Variants in UACA observed in about 807,000 individuals in gnomAD.
UACA encodes nuclear membrane binding protein.
Under a neutral mutation model 160.5 loss-of-function variants are expected in UACA, and 112 were observed. The observed-to-expected ratio is 0.70, with a 90% CI of 0.60 to 0.82. The LOEUF is 0.82. Among genes scored for constraint, UACA ranks in the 40% least tolerant of loss-of-function variants. UACA has a pLI of 0.00. For missense variants in UACA, 1,574 were observed against 1,614.6 expected (o/e 0.97, Z 0.43); for synonymous variants, 557 against 568.4 (o/e 0.98, Z 0.29).
At chr15:70,763,727 GA>G (rs2030922557), upstream of UACA, 1 of 304,050 alleles carries the variant, frequency 3.3e-6, no homozygotes, top group Non-Finnish European at 5.7e-6. Context: ...TTTAGCCCGG[GA>G]AGGGGCGGAG....
intron 1 of UACA, among the ~76,000 whole-genome samples, chr15:70,700,535 T>G (rs184875918): frequency 6.6e-4 from 100 of 152,046 alleles, no homozygotes; most frequent in Admixed American, 6.0e-3. Context: ...TTTTTTATTT[T>G]AATAAAAATT....
chr15:70,726,001 CAAAT>C (rs1021232048), intron 1 of UACA, among the ~76,000 whole-genome samples: 10 of 151,970 alleles, frequency 6.6e-5, no homozygotes, highest in Middle Eastern at 6.8e-3. Flanking sequence ...ATAATGTATC[CAAAT>C]AAATAAATAA....
At chr15:70,735,424 A>G (rs1899336019) in intron 1 of UACA, among the ~76,000 whole-genome samples, 1 of 152,052 alleles carries the variant, frequency 6.6e-6, no homozygotes, top group South Asian at 2.1e-4. Context: ...GTCTAGGAAT[A>G]TATCTGAGAA....
At position 70,656,745 on chromosome 15, in the gene UACA, C is replaced by T; in HGVS notation, c.*311G>A. The T allele has an allele frequency of 4.6e-6, 1 of 219,008 alleles. No homozygotes were observed. The highest frequency in any genetic ancestry group is 9.0e-6 in the Non-Finnish European group (1 of 110,772). The allele number at this position is 219,008 out of a possible 1,614,324, so 13.6% of individuals were successfully genotyped here. A position where few individuals can be genotyped will look rare whatever the true frequency, so the allele number is the denominator to read the frequency against. ...AAGCAATTATTTCAGCCTAACCTCG[C>T]TTCATATGGACTCACTCAGATGGCT... is the stretch of plus-strand genomic sequence containing the variant. On this transcript the variant is annotated 3_prime_UTR_variant, in exon 19 of 19. Coordinates refer to ENST00000322954, the MANE Select transcript of UACA (RefSeq NM_018003.4).
chr15:70,738,482 G>C (rs1440186844), intron 1 of UACA, among the ~76,000 whole-genome samples: 1 of 151,880 alleles, frequency 6.6e-6, no homozygotes, highest in Non-Finnish European at 1.5e-5. Flanking sequence ...AACACACCTG[G>C]CCTGGATTAT....
chr15:70,660,472 C>G (rs2140883858), intron 17 of UACA: 2 of 429,486 alleles, frequency 4.7e-6, no homozygotes, highest in South Asian at 8.2e-5. Context: ...TAGTTCATAT[C>G]TAGTGCCATG....
intron 3 of UACA, among the ~76,000 whole-genome samples, chr15:70,694,241 CAA>C (rs1283467477): frequency 6.6e-6 from 1 of 150,470 alleles, no homozygotes; most frequent in Non-Finnish European, 1.5e-5. Context: ...TCTCATGGAA[CAA>C]AAGAGATAGT....
chr15:70,704,055 T>C (rs1422518068), intron 1 of UACA, among the ~76,000 whole-genome samples: 1 of 152,212 alleles, frequency 6.6e-6, no homozygotes, highest in Non-Finnish European at 1.5e-5. Context: ...TATCTGTTTA[T>C]TAGCTTACTG....
rs573196169 is a variant in UACA at position 70,663,725 on chromosome 15, T to C, written c.4113+937A>G. Among the ~76,000 whole-genome samples the C allele has an allele frequency of 2.8e-4, 43 of 152,050 alleles. No homozygotes were observed. In the East Asian group the frequency reaches 8.4e-3, roughly 30 times the overall value. On this transcript the variant is annotated intron_variant, in intron 17 of 18. Transcript: ENST00000322954. The stretch of plus-strand genomic sequence containing the variant: ...TGAGTTCATGTCCTTTGTAGGGACA[T>C]GGATGAAGCTGGAAACCATCATTCT...
chr15:70,776,249 T>C, the UACA span, among the ~76,000 whole-genome samples: 1 of 152,188 alleles, frequency 6.6e-6, no homozygotes. Context: ...CATGAGAACT[T>C]ACGACAGAGA....
chr15:70,738,625 T>C (rs943835713), intron 1 of UACA, among the ~76,000 whole-genome samples: 1 of 152,068 alleles, frequency 6.6e-6, no homozygotes, highest in African/African-American at 2.4e-5. Context: ...TAAAACATGG[T>C]TTTAAAACAT....
chr15:70,687,469 T>G, intron 7 of UACA, 71 bp downstream of exon 7: 1 of 1,420,590 alleles, frequency 7.0e-7, no homozygotes, highest in Non-Finnish European at 9.9e-7. Flanking sequence ...AGAACAGAGC[T>G]GCTGCTTTGA....
At position 70,719,311 on chromosome 15, in the gene UACA, A is replaced by G. The variant is rs534072572; in HGVS notation, c.79-19651T>C. ...ATTATGACATAAACCCAGGGCAAAGACCAAATCATAAGTGTAGCCATCATA... is the reference window on the plus strand; with the variant it reads ...ATTATGACATAAACCCAGGGCAAAGGCCAAATCATAAGTGTAGCCATCATA... On this transcript the variant is annotated intron_variant, in intron 1 of 18. Coordinates refer to ENST00000322954, the MANE Select transcript of UACA (RefSeq NM_018003.4). Among the ~76,000 whole-genome samples, 3 of 152,346 alleles carry G rather than the reference A, an allele frequency of 2.0e-5. No individual in the cohort carries two copies. In the East Asian group the frequency reaches 5.8e-4, roughly 29 times the overall value.
Position 70,664,747 on chromosome 15 carries a change from T to A in UACA, c.4028A>T (p.Tyr1343Phe), listed in dbSNP as rs781446308. ...QALNGLSQLT[Y>F]TSGNPTKRQS... ...CCTCTTGGTGGGGTTCCCACTTGTG[T>A]AGGTGAGTTGGGAAAGGCCATTGAG... The change falls in exon 17 of 19, where the codon TAC (tyrosine) becomes TTC (phenylalanine). Residue 1343 changes from tyrosine (Y) to phenylalanine (F), a missense_variant. Transcript: ENST00000322954. 5.1e-5 allele frequency: 82 copies of A among 1,613,620 alleles called. No homozygotes were observed. Among genetic ancestry groups the A allele is most frequent in the Non-Finnish European group, 6.8e-5 (80 of 1,179,846 alleles).
At chr15:70,703,537 C>T (rs145461777) in intron 1 of UACA, among the ~76,000 whole-genome samples, 23 of 152,282 alleles carry the variant, frequency 1.5e-4, no homozygotes, top group African/African-American at 5.3e-4. Flanking sequence ...CCAGAGACTC[C>T]GCCCAGTCTG....
In UACA at chr15:70,668,423, T is replaced by A. The variant is rs1294530834; in HGVS notation, c.2261A>T (p.Lys754Ile). ...YVPLKVSEDM[K>I]KSHDAIIDDL... ...ATCAATAATTGCATCATGTGACTTT[T>A]TCATGTCTTCACTTACTTTTAAAGG... is the stretch of plus-strand genomic sequence containing the variant. The change falls in exon 16 of 19, where the codon AAA (lysine) becomes ATA (isoleucine). Residue 754 changes from lysine (K) to isoleucine (I), a missense_variant. By Grantham distance (102) the Lys-to-Ile change is moderately radical (BLOSUM62 -3). Transcript: ENST00000322954. The A allele has an allele frequency of 2.5e-6, 4 of 1,611,778 alleles. No homozygotes were observed.
intron 1 of UACA, among the ~76,000 whole-genome samples, chr15:70,717,012 A>T (rs1273875366): frequency 2.0e-5 from 3 of 152,210 alleles, no homozygotes; most frequent in Non-Finnish European, 4.4e-5. Context: ...ACCTGAGGTC[A>T]GGAGTTTGAG....
intron 5 of UACA, among the ~76,000 whole-genome samples, chr15:70,689,237 C>T (rs1202119378): frequency 6.6e-6 from 1 of 152,086 alleles, no homozygotes; most frequent in Admixed American, 6.6e-5. Context: ...TTAAAATGAC[C>T]ATGAGTGACC....
the UACA span, among the ~76,000 whole-genome samples, chr15:70,771,083 T>C: frequency 6.6e-6 from 1 of 152,238 alleles, no homozygotes; most frequent in South Asian, 2.1e-4. Context: ...CAGGTAGCTG[T>C]GCGGTCTATG....
Sources: allele counts gnomAD v4.1 joint callset (sites outside exome capture counted in the v4.1 genomes callset), GRCh38; gene constraint gnomAD v4.1.1; transcripts MANE v1.5; gene names NCBI Gene and HGNC (gene_info 2026-07-23, HGNC 2026-07-21).